PLEKHM3: variants seen among roughly 807,000 people sequenced by gnomAD.
The protein encoded by PLEKHM3 is pleckstrin homology domain containing M3.
A neutral mutation model predicts 81.8 loss-of-function variants in PLEKHM3; 45 were observed. The observed-to-expected ratio is 0.55, with a 90% CI of 0.43 to 0.71. The LOEUF is 0.71. Ranked by LOEUF, PLEKHM3 falls within the 30% of genes least tolerant of loss-of-function variation. The pLI is 0.00. For synonymous variants in PLEKHM3, 352 were observed against 356.4 expected (o/e 0.99, Z 0.14); for missense variants, 788 against 924.3 (o/e 0.85, Z 1.91).
At chr2:207,953,883 A>G (rs1271991871) in intron 3 of PLEKHM3, among the ~76,000 whole-genome samples, 1 of 152,016 alleles carries the variant, frequency 6.6e-6, no homozygotes, top group Admixed American at 6.6e-5. Context: ...GTTAAAAACC[A>G]TGTTCCTACC....
At chr2:207,990,714 C>T (rs1417010527) in intron 2 of PLEKHM3, among the ~76,000 whole-genome samples, 1 of 152,140 alleles carries the variant, frequency 6.6e-6, no homozygotes, top group Non-Finnish European at 1.5e-5. Context: ...CACAGGCCCT[C>T]GTACAGTGTT....
chr2:207,925,763 C>T (rs1689373262), intron 5 of PLEKHM3, among the ~76,000 whole-genome samples: 2 of 152,292 alleles, frequency 1.3e-5, no homozygotes, highest in South Asian at 2.1e-4. Context: ...AATCACTGTA[C>T]CGCAACTGCC....
chr2:208,000,048 T>C (rs763972707), intron 2 of PLEKHM3, among the ~76,000 whole-genome samples: 6 of 152,180 alleles, frequency 3.9e-5, no homozygotes, highest in Non-Finnish European at 7.4e-5. Flanking sequence ...AAGGAAATTC[T>C]GGGGAAAATG....
At chr2:208,016,207 C>T (rs1018183221) in intron 1 of PLEKHM3, among the ~76,000 whole-genome samples, 2 of 151,940 alleles carry the variant, frequency 1.3e-5, no homozygotes, top group African/African-American at 4.8e-5. Context: ...TAAATAAATA[C>T]ATAAATAAAT....
chr2:207,961,534 C>G (rs1055888947), intron 3 of PLEKHM3, among the ~76,000 whole-genome samples: 1 of 151,874 alleles, frequency 6.6e-6, no homozygotes, highest in Non-Finnish European at 1.5e-5. Context: ...CATTTTTTTT[C>G]AGTTAAAGGT....
intron 5 of PLEKHM3, among the ~76,000 whole-genome samples, chr2:207,918,609 A>C (rs188243093): frequency 1.5e-4 from 23 of 152,356 alleles, no homozygotes; most frequent in Non-Finnish European, 2.9e-4. Context: ...GCAGAGGAAA[A>C]GGTCTGGGAG....
intron 5 of PLEKHM3, 89 bp from the exon 6 acceptor site, chr2:207,908,666 T>C: frequency 2.5e-6 from 3 of 1,201,202 alleles, no homozygotes; most frequent in Non-Finnish European, 3.6e-6. Flanking sequence ...CAAGAATTCC[T>C]TTCCTCTGCC....
chr2:207,897,666 A>G (rs746878167), intron 6 of PLEKHM3, among the ~76,000 whole-genome samples: 4 of 152,188 alleles, frequency 2.6e-5, no homozygotes, highest in East Asian at 1.9e-4. Context: ...GCAATGCCCA[A>G]TGTTGGATAT....
chr2:207,977,713 T>A, intron 2 of PLEKHM3, 127 bp from the exon 3 acceptor site: 2 of 797,650 alleles, frequency 2.5e-6, no homozygotes, highest in Non-Finnish European at 3.9e-6. Flanking sequence ...TGGTTCAAAT[T>A]AAACAAAATA....
chr2:207,884,977 G>C (rs1260766351), intron 6 of PLEKHM3, among the ~76,000 whole-genome samples: 1 of 152,202 alleles, frequency 6.6e-6, no homozygotes, highest in African/African-American at 2.4e-5. Context: ...TGCTGAAACT[G>C]AGTTCGTTGG....
At chr2:207,963,950 G>A (rs1200757682) in intron 3 of PLEKHM3, among the ~76,000 whole-genome samples, 2 of 152,200 alleles carry the variant, frequency 1.3e-5, no homozygotes, top group African/African-American at 2.4e-5. Context: ...GGTGGCTCAC[G>A]CCTATAATCC....
intron 5 of PLEKHM3, among the ~76,000 whole-genome samples, chr2:207,923,905 A>ATATATTTTT (rs1396762429): frequency 2.8e-4 from 8 of 28,336 alleles, no homozygotes; most frequent in East Asian, 9.1e-4. Flanking sequence ...ATATATATAT[A>ATATATTTTT]TTTTTTTTTT....
rs2092264948 is a variant in PLEKHM3, at chr2:207,828,381, T to G, written c.2224A>C (p.Asn742His). Residue 742 changes from asparagine to histidine, a missense_variant, in exon 8 of 8, where the codon AAC (asparagine) becomes CAC (histidine). By Grantham distance (68) the Asn-to-His change is moderately conservative. Transcript: ENST00000427836. ...GCCTCCTCTAGACTCTCGTCCATGT[T>G]CAGTCTCTGCCAGAAAGACTTCTGC... The part of the protein sequence containing the change: ...KKQKSFWQRL[N>H]MDESLEEACT... The G allele has an allele frequency of 9.3e-6, 15 of 1,614,032 alleles. No individual in the cohort carries two copies. The highest frequency in any genetic ancestry group is 1.3e-5 in the Non-Finnish European group (15 of 1,180,008).
chr2:207,955,775 C>T (rs973421718), intron 3 of PLEKHM3, among the ~76,000 whole-genome samples: 1 of 152,156 alleles, frequency 6.6e-6, no homozygotes, highest in African/African-American at 2.4e-5. Context: ...AAAACAAGGA[C>T]AAAAACTATG....
intron 7 of PLEKHM3, among the ~76,000 whole-genome samples, chr2:207,830,361 C>T (rs1046256509): frequency 2.0e-5 from 3 of 152,116 alleles, no homozygotes; most frequent in Non-Finnish European, 2.9e-5. Context: ...TGCCTGTAAT[C>T]TCAGCACTTT....
At chr2:207,909,818 C>T (rs1438516613) in intron 5 of PLEKHM3, among the ~76,000 whole-genome samples, 1 of 152,208 alleles carries the variant, frequency 6.6e-6, no homozygotes, top group Non-Finnish European at 1.5e-5. Flanking sequence ...ATCTTGCTCA[C>T]TGGGAAAATC....
chr2:207,957,715 A>C (rs1690566168), intron 3 of PLEKHM3, among the ~76,000 whole-genome samples: 1 of 152,226 alleles, frequency 6.6e-6, no homozygotes, highest in South Asian at 2.1e-4. Context: ...AAAACAAAAA[A>C]AAAGTATGTG....
Position 207,828,287 on chromosome 2 carries a change from T to C in PLEKHM3, c.*32A>G, listed in dbSNP as rs769972351. ...GCTCTGGGGCTGATGGATTGTTGAT[T>C]GGTGAATCCCTGGCCTTCGGGTCGG... On this transcript the variant is annotated 3_prime_UTR_variant, in exon 8 of 8. Transcript: ENST00000427836. The C allele has an allele frequency of 6.3e-7, 1 of 1,589,742 alleles. No homozygotes were observed. Among genetic ancestry groups the C allele is most frequent in the South Asian group, 1.1e-5 (1 of 87,832 alleles).
intron 5 of PLEKHM3, among the ~76,000 whole-genome samples, chr2:207,927,515 CAAAAAA>C (rs527604593): frequency 1.4e-5 from 1 of 69,992 alleles, no homozygotes; most frequent in Non-Finnish European, 2.7e-5. Context: ...GACTCTGTCT[CAAAAAA>C]AAAAAAAAAA....
Sources: gnomAD v4.1 joint callset for allele counts (sites outside exome capture counted in the v4.1 genomes callset) on GRCh38, gnomAD v4.1.1 for gene constraint, MANE v1.5 for transcripts, NCBI Gene and HGNC (gene_info 2026-07-23, HGNC 2026-07-21) for gene names.